Variants in DRC10 observed in about 807,000 individuals in gnomAD.
DRC10 encodes IQ domain-containing protein D.
chr12:113,200,341 C>G, the DRC10 span: 1 of 670,862 alleles, frequency 1.5e-6, no homozygotes, highest in Non-Finnish European at 2.7e-6. Context: ...GGACAGGATC[C>G]CAGTTTGTCC....
At chr12:113,216,696 T>C in the DRC10 span, among the ~76,000 whole-genome samples, 1 of 152,182 alleles carries the variant, frequency 6.6e-6, no homozygotes, top group Non-Finnish European at 1.5e-5. Context: ...CTAAAACTGC[T>C]TAAAAAATAA....
the DRC10 span, among the ~76,000 whole-genome samples, chr12:113,209,182 G>T: frequency 1.3e-5 from 2 of 150,130 alleles, no homozygotes; most frequent in East Asian, 3.9e-4. Flanking sequence ...CCAAAGTGCT[G>T]GGATTACAGG....
chr12:113,207,886 T>C, the DRC10 span: 2 of 1,614,186 alleles, frequency 1.2e-6, no homozygotes, highest in Non-Finnish European at 1.7e-6. Context: ...GAGATCCTCA[T>C]GCTCTCTCAC....
the DRC10 span, among the ~76,000 whole-genome samples, chr12:113,214,417 A>T: frequency 6.6e-6 from 1 of 151,752 alleles, no homozygotes; most frequent in African/African-American, 2.4e-5. Flanking sequence ...GAGGCAGGAG[A>T]ATCACTTGAA....
At chr12:113,200,514 G>A in the DRC10 span, 1 of 1,142,980 alleles carries the variant, frequency 8.7e-7, no homozygotes, top group Admixed American at 2.0e-5. Context: ...AGGAGTGATG[G>A]AACAGTCCCA....
the DRC10 span, chr12:113,207,312 C>A: frequency 1.2e-6 from 1 of 819,554 alleles, no homozygotes; most frequent in African/African-American, 1.7e-5. Flanking sequence ...TACACCACTG[C>A]ACTCTAGTCT....
At chr12:113,197,532 G>C in the DRC10 span, 1 of 1,522,320 alleles carries the variant, frequency 6.6e-7, no homozygotes. Context: ...CTTATTCAGC[G>C]ACAAATACCT....
At chr12:113,200,383 T>C in the DRC10 span, 2 of 697,186 alleles carry the variant, frequency 2.9e-6, no homozygotes, top group Non-Finnish European at 5.2e-6. Context: ...TGCCCCTTCC[T>C]GCCTCCCAGG....
the DRC10 span, among the ~76,000 whole-genome samples, chr12:113,219,712 G>T: frequency 6.6e-6 from 1 of 150,984 alleles, no homozygotes; most frequent in Admixed American, 6.6e-5. Context: ...TCGCTCTGTC[G>T]CCCAGGCTGG....
chr12:113,216,717 T>G, the DRC10 span, among the ~76,000 whole-genome samples: 1 of 152,170 alleles, frequency 6.6e-6, no homozygotes, highest in Admixed American at 6.5e-5. Context: ...AATCTTAAGG[T>G]TGTAACCCTT....
At chr12:113,195,927 A>T in the DRC10 span, 11 of 1,557,102 alleles carry the variant, frequency 7.1e-6, no homozygotes, top group South Asian at 1.2e-4. Context: ...CCACACATAG[A>T]GTGCCTCCTC....
chr12:113,200,586 C>T, the DRC10 span: 85 of 1,533,606 alleles, frequency 5.5e-5, no homozygotes, highest in Non-Finnish European at 6.7e-5. Context: ...GCACCTTCCT[C>T]AGCGCCTGCT....
At chr12:113,195,846 A>T in the DRC10 span, 2 of 1,613,280 alleles carry the variant, frequency 1.2e-6, no homozygotes, top group Non-Finnish European at 1.7e-6. Flanking sequence ...CTCCAGCGAG[A>T]TCTTCTCCTC....
chr12:113,210,602 A>C, the DRC10 span, among the ~76,000 whole-genome samples: 2 of 143,000 alleles, frequency 1.4e-5, no homozygotes, highest in African/African-American at 5.2e-5. Context: ...TCTCTTAAAA[A>C]AGAAAAAAAG....
the DRC10 span, among the ~76,000 whole-genome samples, chr12:113,204,520 A>C: frequency 6.6e-6 from 1 of 152,254 alleles, no homozygotes; most frequent in African/African-American, 2.4e-5. Flanking sequence ...ATTCATTTAC[A>C]TATTGTTTGT....
At chr12:113,195,825 C>T in the DRC10 span, 1,032 of 1,613,830 alleles carry the variant, frequency 6.4e-4, 14 homozygotes, top group South Asian at 0.01. Flanking sequence ...TTTGTGCCTC[C>T]GCCTGAGCTC....
At chr12:113,220,829 T>C in the DRC10 span, among the ~76,000 whole-genome samples, 1 of 152,098 alleles carries the variant, frequency 6.6e-6, no homozygotes, top group Non-Finnish European at 1.5e-5. Flanking sequence ...TCCCTGCAGG[T>C]TGTGGAGCGA....
the DRC10 span, among the ~76,000 whole-genome samples, chr12:113,218,316 G>A: frequency 2.0e-5 from 3 of 146,822 alleles, no homozygotes; most frequent in South Asian, 6.3e-4. Flanking sequence ...TTTTTTTTTT[G>A]TATTTTTAGT....
the DRC10 span, chr12:113,195,780 T>A: frequency 1.2e-6 from 2 of 1,613,974 alleles, no homozygotes; most frequent in Non-Finnish European, 1.7e-6. Context: ...GATCTCCCGC[T>A]CTTCCCGGAT....
Sources: allele counts gnomAD v4.1 joint callset (sites outside exome capture counted in the v4.1 genomes callset), GRCh38; gene constraint gnomAD v4.1.1; transcripts MANE v1.5; gene names NCBI Gene and HGNC (gene_info 2026-07-23, HGNC 2026-07-21).